PDE3A: variants seen among roughly 807,000 people sequenced by gnomAD.
The protein encoded by PDE3A is phosphodiesterase 3A.
A neutral mutation model predicts 98.3 loss-of-function variants in PDE3A; 43 were observed. That is an observed-to-expected ratio of 0.44 (90% CI 0.34 to 0.56). PDE3A has a LOEUF of 0.56. Among genes scored for constraint, PDE3A ranks in the 20% least tolerant of loss-of-function variants. The probability of loss-of-function intolerance (pLI) is 0.01; values close to 1 mark genes in which losing one functional copy is unlikely to be tolerated. For missense variants in PDE3A, 1,427 were observed against 1,440.7 expected (o/e 0.99, Z 0.15); for synonymous variants, 663 against 567.9 (o/e 1.17, Z -2.38).
chr12:20,609,301 A>T (rs907809474), intron 2 of PDE3A, among the ~76,000 whole-genome samples: 2 of 152,024 alleles, frequency 1.3e-5, no homozygotes, highest in Admixed American at 6.6e-5. Context: ...AAAAAGAATT[A>T]AAAAACACTC....
rs1945968770 is a variant in PDE3A at position 20,686,547 on chromosome 12, T to C, written c.*6276T>C. Among the ~76,000 whole-genome samples the C allele has an allele frequency of 6.6e-6, 1 of 152,148 alleles. No individual in the cohort carries two copies. Among genetic ancestry groups the C allele is most frequent in the African/African-American group, 2.4e-5 (1 of 41,442 alleles). On this transcript the variant is annotated 3_prime_UTR_variant, in exon 16 of 16. Transcript: ENST00000359062. Reference sequence around the variant, plus strand: ...ATAAAAAATTAATAACAAAACTTTGTAAGCCTTAATGGTTTAATATTTCCG... The same window carrying C: ...ATAAAAAATTAATAACAAAACTTTGCAAGCCTTAATGGTTTAATATTTCCG...
intron 12 of PDE3A, among the ~76,000 whole-genome samples, chr12:20,647,887 C>A (rs911442815): frequency 6.6e-6 from 1 of 151,874 alleles, no homozygotes; most frequent in African/African-American, 2.4e-5. Flanking sequence ...TTATTTTACA[C>A]GTCTACATTT....
intron 1 of PDE3A, among the ~76,000 whole-genome samples, chr12:20,546,208 G>C (rs1043181453): frequency 6.6e-6 from 1 of 151,934 alleles, no homozygotes; most frequent in Non-Finnish European, 1.5e-5. Flanking sequence ...CAGTATTGAC[G>C]ACTGGAGGGC....
In PDE3A at chr12:20,687,958, T is replaced by C. The variant is rs1240844816; in HGVS notation, c.*7687T>C. Among the ~76,000 whole-genome samples the C allele has an allele frequency of 2.0e-5, 3 of 147,354 alleles. No individual in the cohort carries two copies. In the East Asian group the frequency reaches 5.9e-4, roughly 29 times the overall value. On this transcript the variant is annotated 3_prime_UTR_variant, in exon 16 of 16. Transcript: ENST00000359062. Reference sequence around the variant, plus strand: ...AAAAACTGGCATTGGCAAGTTTTAATTAATATGGCCCAAAAATTTGACCTT... The same window carrying C: ...AAAAACTGGCATTGGCAAGTTTTAACTAATATGGCCCAAAAATTTGACCTT...
At chr12:20,437,066 T>C (rs2120825516) in intron 1 of PDE3A, among the ~76,000 whole-genome samples, 1 of 152,124 alleles carries the variant, frequency 6.6e-6, no homozygotes, top group East Asian at 1.9e-4. Context: ...TGTGTGTGTG[T>C]GTGTGTGTGT....
At chr12:20,676,540 C>G (rs1291116980) in intron 15 of PDE3A, among the ~76,000 whole-genome samples, 1 of 149,402 alleles carries the variant, frequency 6.7e-6, no homozygotes, top group African/African-American at 2.5e-5. Context: ...CGCTCTGTCC[C>G]CCATGCTGGA....
chr12:20,656,525 A>C (rs1945047992), intron 15 of PDE3A, among the ~76,000 whole-genome samples: 1 of 152,266 alleles, frequency 6.6e-6, no homozygotes, highest in South Asian at 2.1e-4. Context: ...GATGCAAATA[A>C]AAAGACTTCC....
At chr12:20,450,636 C>T (rs1331121835) in intron 1 of PDE3A, among the ~76,000 whole-genome samples, 1 of 152,172 alleles carries the variant, frequency 6.6e-6, no homozygotes, top group African/African-American at 2.4e-5. Flanking sequence ...TGAGAGAATG[C>T]TATCAAAATG....
rs186125838 is a variant in PDE3A at position 20,617,003 on chromosome 12, T to C, written c.1424+619T>C. 2.6e-5 allele frequency among the ~76,000 whole-genome samples: 4 copies of C among 152,246 alleles called. No homozygotes were observed. In the East Asian group the frequency reaches 7.7e-4, roughly 29 times the overall value. ...AAGAAAATAGCTAAGGAAAGTGCAT[T>C]TAGAGGGAGATACTGTGTCCTTTTC... On this transcript the variant is annotated intron_variant, in intron 4 of 15. Coordinates refer to ENST00000359062, the MANE Select transcript of PDE3A (RefSeq NM_000921.5).
At chr12:20,562,966 G>C (rs1002074978) in intron 2 of PDE3A, among the ~76,000 whole-genome samples, 6 of 152,272 alleles carry the variant, frequency 3.9e-5, no homozygotes, top group Middle Eastern at 3.4e-3. Context: ...TCATCAGTAT[G>C]CTTACAAATG....
At position 20,445,780 on chromosome 12, in the gene PDE3A, G is replaced by C. The variant is rs951163475; in HGVS notation, c.960+75536G>C. Among the ~76,000 whole-genome samples the C allele has an allele frequency of 7.2e-5, 11 of 152,084 alleles. No homozygotes were observed. In the East Asian group the frequency reaches 1.7e-3, roughly 24 times the overall value. On this transcript the variant is annotated intron_variant, in intron 1 of 15. Transcript: ENST00000359062. ...ACTTGGAATATAGAGCCATTGCCCTGTACTCATTTTTTCCTTCCTGGAGGT... is the reference window on the plus strand; with the variant it reads ...ACTTGGAATATAGAGCCATTGCCCTCTACTCATTTTTTCCTTCCTGGAGGT...
chr12:20,397,904 T>C (rs1048722427), intron 1 of PDE3A, among the ~76,000 whole-genome samples: 4 of 152,160 alleles, frequency 2.6e-5, no homozygotes, highest in African/African-American at 9.7e-5. Flanking sequence ...AAAGGATTGT[T>C]CACGATCTTA....
intron 3 of PDE3A, among the ~76,000 whole-genome samples, chr12:20,615,381 C>CTGA (rs2121461152): frequency 6.6e-6 from 1 of 152,258 alleles, no homozygotes; most frequent in South Asian, 2.1e-4. Context: ...GGAGTTGACA[C>CTGA]TGATGACATT....
At chr12:20,571,423 C>A (rs1453374175) in intron 2 of PDE3A, among the ~76,000 whole-genome samples, 3 of 152,034 alleles carry the variant, frequency 2.0e-5, no homozygotes, top group Non-Finnish European at 4.4e-5. Flanking sequence ...GAATGCTGAC[C>A]CCCCTGGAGT....
chr12:20,562,229 T>C (rs1036844388), intron 2 of PDE3A, among the ~76,000 whole-genome samples: 3 of 150,704 alleles, frequency 2.0e-5, no homozygotes, highest in Non-Finnish European at 4.4e-5. Context: ...CTTTTTTTTT[T>C]TTTTTTTTTG....
At chr12:20,468,161 G>A (rs1945376549) in intron 1 of PDE3A, among the ~76,000 whole-genome samples, 1 of 151,988 alleles carries the variant, frequency 6.6e-6, no homozygotes, top group African/African-American at 2.4e-5. Context: ...AATTCATTAT[G>A]ACATTTATTT....
chr12:20,483,674 T>C (rs187456304), intron 1 of PDE3A, among the ~76,000 whole-genome samples: 10 of 152,328 alleles, frequency 6.6e-5, no homozygotes, highest in Non-Finnish European at 1.2e-4. Context: ...AGAAATCTAC[T>C]TTCTAGTTTA....
At chr12:20,624,538 G>A (rs981890801) in intron 5 of PDE3A, among the ~76,000 whole-genome samples, 6 of 152,168 alleles carry the variant, frequency 3.9e-5, no homozygotes, top group African/African-American at 1.2e-4. Flanking sequence ...CACAGGCATA[G>A]CAAGAGCCCC....
intron 3 of PDE3A, 79 bp downstream of exon 3, chr12:20,613,779 A>C: frequency 9.4e-7 from 1 of 1,058,386 alleles, no homozygotes; most frequent in Non-Finnish European, 1.4e-6. Context: ...CTGTCACCTC[A>C]ACTCCATCTG....
Sources: allele counts gnomAD v4.1 joint callset (sites outside exome capture counted in the v4.1 genomes callset), GRCh38; gene constraint gnomAD v4.1.1; transcripts MANE v1.5; gene names NCBI Gene and HGNC (gene_info 2026-07-23, HGNC 2026-07-21).